The following RAB3C variants were observed in gnomAD, a reference collection of about 807,000 sequenced individuals.
RAB3C encodes the protein RAB3C, member RAS oncogene family.
Under a neutral mutation model 26.4 loss-of-function variants are expected in RAB3C, and 17 were observed. The observed-to-expected ratio is 0.64, with a 90% CI of 0.44 to 0.97. The LOEUF (loss-of-function observed/expected upper bound fraction) is 0.97, where lower values mean the gene tolerates loss of function less well. Among genes scored for constraint, RAB3C ranks in the 50% least tolerant of loss-of-function variants. RAB3C has a pLI of 0.00. For synonymous variants in RAB3C, 91 were observed against 95.9 expected (o/e 0.95, Z 0.30); for missense variants, 242 against 281.9 (o/e 0.86, Z 1.01).
chr5:58,619,845 C>T (rs917526108), intron 2 of RAB3C, among the ~76,000 whole-genome samples: 4 of 150,362 alleles, frequency 2.7e-5, no homozygotes, highest in Non-Finnish European at 4.4e-5. Context: ...TGGTACCAGG[C>T]CAGTGCTAAT....
At chr5:58,752,826 T>C (rs980364453) in intron 3 of RAB3C, among the ~76,000 whole-genome samples, 1 of 152,162 alleles carries the variant, frequency 6.6e-6, no homozygotes, top group African/African-American at 2.4e-5. Flanking sequence ...AATGTAATCA[T>C]ATGCTAGCTT....
intron 4 of RAB3C, among the ~76,000 whole-genome samples, chr5:58,834,141 A>C (rs1403502505): frequency 6.6e-6 from 1 of 152,228 alleles, no homozygotes; most frequent in African/African-American, 2.4e-5. Flanking sequence ...TTGGTGGTTC[A>C]CACACATTTA....
chr5:58,693,334 G>GTATATATATATATATATATATATA lies in RAB3C; in HGVS notation c.253-32667_253-32666insATATATATATATATATATATATAT, dbSNP rs1478527340. Among the ~76,000 whole-genome samples, 16 of 83,830 alleles carry GTATATATATATATATATATATATA rather than the reference G, an allele frequency of 1.9e-4. 1 individual carries two copies. The highest frequency in any genetic ancestry group is 7.0e-4 in the African/African-American group (15 of 21,470). The allele number at this position is 83,830 out of a possible 152,430, so 55.0% of individuals were successfully genotyped here. ...TAAAATTAAGAAATTATATATATAT[G>GTATATATATATATATATATATATA]TGTATATATATATATATATATATAT... On this transcript the variant is annotated intron_variant, in intron 2 of 4. Transcript: ENST00000282878.
intron 2 of RAB3C, among the ~76,000 whole-genome samples, chr5:58,664,182 A>G (rs1181706284): frequency 1.3e-5 from 2 of 152,192 alleles, no homozygotes; most frequent in Non-Finnish European, 2.9e-5. Flanking sequence ...CGTATTTATA[A>G]CAGCATTATT....
rs557523238 is a variant in RAB3C at position 58,621,344 on chromosome 5, G to A, written c.252+3474G>A. On this transcript the variant is annotated intron_variant, in intron 2 of 4. Transcript: ENST00000282878. Reference sequence around the variant, plus strand: ...AACTGTTTCTAAGTTAGGAAACCAAGATATAGAGAGGCTAAGCGATTTGAC... The same window carrying A: ...AACTGTTTCTAAGTTAGGAAACCAAAATATAGAGAGGCTAAGCGATTTGAC... Among the ~76,000 whole-genome samples the A allele has an allele frequency of 3.9e-5, 6 of 152,268 alleles. No individual in the cohort carries two copies. In the South Asian group the frequency reaches 6.2e-4, roughly 16 times the overall value.
At chr5:58,701,805 G>C (rs1748847788) in intron 2 of RAB3C, among the ~76,000 whole-genome samples, 1 of 151,924 alleles carries the variant, frequency 6.6e-6, no homozygotes. Flanking sequence ...TGACTCTCCT[G>C]CCTCCTCCTT....
intron 3 of RAB3C, among the ~76,000 whole-genome samples, chr5:58,778,772 A>G (rs1408700000): frequency 3.9e-5 from 6 of 152,120 alleles, no homozygotes; most frequent in Non-Finnish European, 7.4e-5. Flanking sequence ...AGTCCCACAT[A>G]TATGTCTTAA....
intron 1 of RAB3C, among the ~76,000 whole-genome samples, chr5:58,608,430 T>G (rs1354727914): frequency 2.0e-5 from 3 of 152,108 alleles, no homozygotes; most frequent in East Asian, 3.9e-4. Flanking sequence ...AAAAGACACA[T>G]GAAAAAATGC....
At chr5:58,660,584 T>A (rs1747882430) in intron 2 of RAB3C, among the ~76,000 whole-genome samples, 2 of 150,270 alleles carry the variant, frequency 1.3e-5, no homozygotes, top group Non-Finnish European at 2.9e-5. Context: ...GCAGCCCCAT[T>A]TTATCACATG....
intron 2 of RAB3C, among the ~76,000 whole-genome samples, chr5:58,624,402 C>T (rs1561270496): frequency 6.6e-6 from 1 of 152,168 alleles, no homozygotes; most frequent in Non-Finnish European, 1.5e-5. Flanking sequence ...GCCTGATTTT[C>T]CTCCCATTTT....
In RAB3C at chr5:58,603,452, C is replaced by T. The variant is rs188039385; in HGVS notation, c.25-14191C>T. Among the ~76,000 whole-genome samples the T allele has an allele frequency of 4.6e-5, 7 of 152,222 alleles. No homozygotes were observed. In the East Asian group the frequency reaches 1.4e-3, roughly 29 times the overall value. ...GTCTTCTTCAGGAACACTGATTATT[C>T]TAAGGTTTGGTCATTTAACATAATC... On this transcript the variant is annotated intron_variant, in intron 1 of 4. Transcript: ENST00000282878.
intron 3 of RAB3C, among the ~76,000 whole-genome samples, chr5:58,804,321 C>T (rs1015169527): frequency 1.3e-5 from 2 of 152,138 alleles, no homozygotes; most frequent in African/African-American, 4.8e-5. Flanking sequence ...TGTTTTCTTT[C>T]TTGTGTGTTG....
chr5:58,849,857 A>T (rs1189906525), intron 4 of RAB3C, among the ~76,000 whole-genome samples: 3 of 152,316 alleles, frequency 2.0e-5, no homozygotes, highest in Middle Eastern at 3.4e-3. Flanking sequence ...TATTTGAGGG[A>T]TTTTGACATG....
chr5:58,766,340 ACTCCTGAC>A (rs1247612678), intron 3 of RAB3C, among the ~76,000 whole-genome samples: 1 of 150,426 alleles, frequency 6.6e-6, no homozygotes, highest in Non-Finnish European at 1.5e-5. Context: ...CTGTTCTTGA[ACTCCTGAC>A]CTCGTGATCC....
At chr5:58,613,512 A>C (rs1244771306) in intron 1 of RAB3C, among the ~76,000 whole-genome samples, 2 of 152,182 alleles carry the variant, frequency 1.3e-5, no homozygotes, top group African/African-American at 4.8e-5. Flanking sequence ...GGATTGTCAG[A>C]TCACAATTGA....
At chr5:58,728,194 G>A (rs1740931163) in intron 3 of RAB3C, among the ~76,000 whole-genome samples, 1 of 151,940 alleles carries the variant, frequency 6.6e-6, no homozygotes, top group Non-Finnish European at 1.5e-5. Context: ...CATTCAACAA[G>A]CACTTATTGA....
intron 2 of RAB3C, among the ~76,000 whole-genome samples, chr5:58,695,951 A>G (rs569008403): frequency 1.0e-3 from 154 of 152,338 alleles, no homozygotes; most frequent in South Asian, 6.0e-3. Context: ...CAGAATTTCC[A>G]ACACTATGTT....
At chr5:58,628,173 A>AC (rs1472307973) in intron 2 of RAB3C, among the ~76,000 whole-genome samples, 2 of 151,670 alleles carry the variant, frequency 1.3e-5, no homozygotes, top group East Asian at 3.9e-4. Flanking sequence ...AAAAAAAAAA[A>AC]AAAAACAGTT....
At chr5:58,703,474 G>A (rs978338682) in intron 2 of RAB3C, among the ~76,000 whole-genome samples, 6 of 152,128 alleles carry the variant, frequency 3.9e-5, no homozygotes, top group African/African-American at 9.7e-5. Flanking sequence ...GAGCCACCGC[G>A]TCTGGCCATG....
Sources: allele counts gnomAD v4.1 joint callset (sites outside exome capture counted in the v4.1 genomes callset), GRCh38; gene constraint gnomAD v4.1.1; transcripts MANE v1.5; gene names NCBI Gene and HGNC (gene_info 2026-07-23, HGNC 2026-07-21).